ANO2: variants seen among roughly 807,000 people sequenced by gnomAD.
ANO2 encodes the protein anoctamin 2, also known as anoctamin-2.
Under a neutral mutation model 124.2 loss-of-function variants are expected in ANO2, and 101 were observed. That is an observed-to-expected ratio of 0.81 (90% CI 0.69 to 0.96). The LOEUF (loss-of-function observed/expected upper bound fraction) is 0.96, where lower values mean the gene tolerates loss of function less well. Among genes scored for constraint, ANO2 ranks in the 40% least tolerant of loss-of-function variants. The pLI is 0.00. For missense variants in ANO2, 1,293 were observed against 1,274.5 expected (o/e 1.01, Z -0.22); for synonymous variants, 486 against 482.5 (o/e 1.01, Z -0.09).
intron 14 of ANO2, among the ~76,000 whole-genome samples, chr12:5,677,474 G>A (rs1004754801): frequency 2.6e-5 from 4 of 152,174 alleles, no homozygotes; most frequent in African/African-American, 7.2e-5. Context: ...TCCCATCTTA[G>A]GAAGAAACAA....
In ANO2 at chr12:5,832,528, G is replaced by T. The variant is rs372272523; in HGVS notation, c.709C>A (p.Gln237Lys). ...AALQKLSSHLQPRVPEHSNNK... is the reference protein window; with the variant it reads ...AALQKLSSHLKPRVPEHSNNK... The stretch of plus-strand genomic sequence containing the variant: ...TTGCTGTGTTCTGGAACTCGGGGCT[G>T]CAGGTGCGAGCTCAGCTTCTGCAGA... The change falls in exon 5 of 25, where the codon CAG (glutamine) becomes AAG (lysine). Residue 237 changes from glutamine to lysine, a missense_variant. Coordinates refer to ENST00000682330, the MANE Select transcript of ANO2 (RefSeq NM_001364791.2). The T allele has an allele frequency of 6.2e-7, 1 of 1,613,988 alleles. No homozygotes were observed. The highest frequency in any genetic ancestry group is 1.3e-5 in the African/African-American group (1 of 75,046).
At chr12:5,843,217 C>T (rs776171852) in intron 4 of ANO2, among the ~76,000 whole-genome samples, 3 of 152,294 alleles carry the variant, frequency 2.0e-5, no homozygotes, top group East Asian at 3.9e-4. Flanking sequence ...GGCAGCGAAC[C>T]TCCTTCCCAC....
In ANO2 at chr12:5,599,662, C is replaced by T. The variant is rs760606092; in HGVS notation, c.2088-33G>A. ...AGAAATGGATTAAGTTACAAAAAGC[C>T]TCTGGAGAACAGGGTTGGTTTTGCA... On this transcript the variant is annotated intron_variant, in intron 19 of 24. Transcript: ENST00000682330. The T allele has an allele frequency of 9.3e-6, 15 of 1,609,684 alleles. No individual in the cohort carries two copies. In the African/African-American group the frequency reaches 1.9e-4, roughly 20 times the overall value.
At chr12:5,745,220 C>G (rs1176002091) in intron 11 of ANO2, among the ~76,000 whole-genome samples, 2 of 152,224 alleles carry the variant, frequency 1.3e-5, no homozygotes, top group African/African-American at 4.8e-5. Context: ...CAATAACCCT[C>G]TATACCATAC....
intron 10 of ANO2, among the ~76,000 whole-genome samples, chr12:5,775,786 T>A (rs768543346): frequency 1.3e-5 from 2 of 152,212 alleles, no homozygotes; most frequent in Non-Finnish European, 2.9e-5. Flanking sequence ...TTCTCCATGA[T>A]AGACCTCTTT....
chr12:5,589,455 T>C (rs1305029284), intron 20 of ANO2, among the ~76,000 whole-genome samples: 1 of 152,098 alleles, frequency 6.6e-6, no homozygotes, highest in Non-Finnish European at 1.5e-5. Context: ...TGACCACGGC[T>C]CAGCATCACT....
In ANO2 at chr12:5,717,740, T is replaced by C. The variant is rs117397241; in HGVS notation, c.1545+14780A>G. On this transcript the variant is annotated intron_variant, in intron 14 of 24. Transcript: ENST00000682330. ...AGCCTAGGAATATTAAATACATCCATTGATCTGATCTTGGATGTTCAAAAA... is the reference window on the plus strand; with the variant it reads ...AGCCTAGGAATATTAAATACATCCACTGATCTGATCTTGGATGTTCAAAAA... Among the ~76,000 whole-genome samples, 771 of 152,342 alleles carry C rather than the reference T, an allele frequency of 5.1e-3. 3 individuals carry two copies. Among genetic ancestry groups the C allele is most frequent in the Non-Finnish European group, 8.6e-3 (582 of 68,038 alleles).
At chr12:5,901,873 C>T (rs1940236607) in intron 3 of ANO2, among the ~76,000 whole-genome samples, 1 of 152,168 alleles carries the variant, frequency 6.6e-6, no homozygotes, top group African/African-American at 2.4e-5. Context: ...AATGAGGCTC[C>T]AGAGACAATT....
intron 14 of ANO2, among the ~76,000 whole-genome samples, chr12:5,674,728 C>G (rs1038340760): frequency 3.3e-5 from 5 of 152,216 alleles, no homozygotes; most frequent in African/African-American, 1.2e-4. Flanking sequence ...AATCCTGTCT[C>G]TGTCACTTGA....
chr12:5,676,009 C>T (rs1358657847), intron 14 of ANO2, among the ~76,000 whole-genome samples: 4 of 152,200 alleles, frequency 2.6e-5, no homozygotes, highest in Non-Finnish European at 4.4e-5. Flanking sequence ...GACTCGGAGC[C>T]ACATCACATC....
At chr12:5,571,865 A>G (rs1311338695) in intron 23 of ANO2, among the ~76,000 whole-genome samples, 1 of 152,216 alleles carries the variant, frequency 6.6e-6, no homozygotes, top group Non-Finnish European at 1.5e-5. Context: ...GGCAGTGGAT[A>G]GGACTCATAT....
In ANO2 at chr12:5,945,205, C is replaced by G. The variant is rs752541675; in HGVS notation, c.13G>C (p.Gly5Arg). 4.9e-5 allele frequency: 63 copies of G among 1,288,566 alleles called. No homozygotes were observed. The African/African-American group carries it at 8.3e-4, about 17-fold the overall frequency. 79.8% of individuals were successfully genotyped at this position (1,288,566 alleles called of 1,614,324 possible). ...CAGCCGGAAAACTCACCGCGCGGCC[C>G]GGGAGTCGCCATGATGTGGACGCAG... is the stretch of plus-strand genomic sequence containing the variant. MATP[G>R]PRDIPLLPGS... Residue 5 changes from glycine to arginine, a missense_variant, in exon 1 of 25, where the codon GGG becomes CGG. Gly to Arg is a moderately radical substitution (Grantham distance 125). Coordinates refer to ENST00000682330, the MANE Select transcript of ANO2 (RefSeq NM_001364791.2).
chr12:5,710,717 G>A (rs1275284039), intron 14 of ANO2, among the ~76,000 whole-genome samples: 1 of 152,166 alleles, frequency 6.6e-6, no homozygotes, highest in East Asian at 1.9e-4. Flanking sequence ...TGGTACATGG[G>A]AGTTCTGACT....
chr12:5,581,606 C>A (rs2136848685), intron 20 of ANO2, among the ~76,000 whole-genome samples: 1 of 152,300 alleles, frequency 6.6e-6, no homozygotes, highest in Non-Finnish European at 1.5e-5. Flanking sequence ...CCTCTTCTGT[C>A]AACGCAAACA....
At chr12:5,711,226 G>A (rs12422937) in intron 14 of ANO2, among the ~76,000 whole-genome samples, 19,328 of 151,832 alleles carry the variant, frequency 0.13, 1,386 homozygotes, top group East Asian at 0.22. Context: ...TAAGTCATAG[G>A]GGCAGATCCC....
intron 14 of ANO2, among the ~76,000 whole-genome samples, chr12:5,728,274 A>C (rs11611147): frequency 0.13 from 19,594 of 152,236 alleles, 1,571 homozygotes; most frequent in African/African-American, 0.23. Flanking sequence ...TCCATTAAAA[A>C]TTATTAGAAC....
chr12:5,923,470 G>C (rs574234921), intron 1 of ANO2, among the ~76,000 whole-genome samples: 1 of 152,308 alleles, frequency 6.6e-6, no homozygotes, highest in South Asian at 2.1e-4. Flanking sequence ...AGCAGCACCA[G>C]CTGGCACCCT....
chr12:5,648,211 G>A (rs1403103645), intron 14 of ANO2, among the ~76,000 whole-genome samples: 3 of 152,178 alleles, frequency 2.0e-5, no homozygotes, highest in African/African-American at 4.8e-5. Flanking sequence ...AGAACCATGT[G>A]AATATAGTAA....
chr12:5,741,643 G>A (rs1435210977), intron 12 of ANO2, among the ~76,000 whole-genome samples: 1 of 152,148 alleles, frequency 6.6e-6, no homozygotes, highest in Non-Finnish European at 1.5e-5. Flanking sequence ...TGAGGGCAAG[G>A]GAGGACCACC....
Sources: gnomAD v4.1 joint callset for allele counts (sites outside exome capture counted in the v4.1 genomes callset) on GRCh38, gnomAD v4.1.1 for gene constraint, MANE v1.5 for transcripts, NCBI Gene and HGNC (gene_info 2026-07-23, HGNC 2026-07-21) for gene names.